Variants in CNTLN observed in about 807,000 individuals in gnomAD.
The protein encoded by CNTLN is centlein.
CNTLN carries 212 observed loss-of-function variants against 180.0 expected under a neutral mutation model. The ratio of observed to expected loss-of-function variants is 1.18; its 90% CI spans 1.05 to 1.32. CNTLN has a LOEUF of 1.32. CNTLN is among the 40% of genes most tolerant of loss of function. The pLI, the probability that CNTLN is intolerant of heterozygous loss-of-function variation, is 0.00. For synonymous variants in CNTLN, 722 were observed against 563.1 expected (o/e 1.28, Z -3.99); for missense variants, 2,095 against 1,610.9 (o/e 1.30, Z -5.14).
chr9:17,187,516 C>G (rs1369188198), intron 2 of CNTLN, among the ~76,000 whole-genome samples: 1 of 151,950 alleles, frequency 6.6e-6, no homozygotes, highest in Non-Finnish European at 1.5e-5. Context: ...AATCACTTCT[C>G]TAATAGTTCA....
At chr9:17,246,874 C>T (rs1235777078) in intron 5 of CNTLN, among the ~76,000 whole-genome samples, 1 of 135,402 alleles carries the variant, frequency 7.4e-6, no homozygotes, top group East Asian at 2.2e-4. Context: ...CCAGGTCTCT[C>T]CCTCAGAGGA....
At chr9:17,182,868 G>C (rs1334903321) in intron 2 of CNTLN, among the ~76,000 whole-genome samples, 1 of 152,226 alleles carries the variant, frequency 6.6e-6, no homozygotes. Flanking sequence ...GCTGTATTCA[G>C]TTGGGCATAA....
intron 12 of CNTLN, among the ~76,000 whole-genome samples, chr9:17,362,395 G>C (rs558914230): frequency 1.3e-5 from 2 of 152,122 alleles, no homozygotes; most frequent in East Asian, 1.9e-4. Flanking sequence ...AATGGACCTG[G>C]GAAGCTGCCA....
chr9:17,376,579 G>A (rs1419976055), intron 13 of CNTLN, among the ~76,000 whole-genome samples: 1 of 152,000 alleles, frequency 6.6e-6, no homozygotes, highest in Non-Finnish European at 1.5e-5. Flanking sequence ...AGCCTCCCAA[G>A]TAGCTGGGAC....
chr9:17,499,447 T>G (rs955168352), intron 25 of CNTLN, among the ~76,000 whole-genome samples: 4 of 152,220 alleles, frequency 2.6e-5, no homozygotes, highest in African/African-American at 9.6e-5. Context: ...CAGAATTGTT[T>G]TGTGTACAAT....
At chr9:17,386,221 A>G (rs1825672913) in intron 13 of CNTLN, among the ~76,000 whole-genome samples, 1 of 152,050 alleles carries the variant, frequency 6.6e-6, no homozygotes, top group Non-Finnish European at 1.5e-5. Context: ...AAAACTTTAT[A>G]TTAATTATTT....
chr9:17,323,881 TAC>T (rs1296738116), intron 8 of CNTLN, among the ~76,000 whole-genome samples: 1 of 152,196 alleles, frequency 6.6e-6, no homozygotes, highest in African/African-American at 2.4e-5. Flanking sequence ...CAAACTCGGC[TAC>T]AGTTTTGATA....
At chr9:17,177,977 GAC>G (rs533880549) in intron 2 of CNTLN, among the ~76,000 whole-genome samples, 42 of 152,190 alleles carry the variant, frequency 2.8e-4, no homozygotes, top group African/African-American at 8.7e-4. Context: ...CCCTGAGCTA[GAC>G]ACAAAAGTTC....
chr9:17,217,283 T>C (rs916443128), intron 2 of CNTLN, among the ~76,000 whole-genome samples: 1 of 152,206 alleles, frequency 6.6e-6, no homozygotes, highest in Non-Finnish European at 1.5e-5. Context: ...TCACCTTTAT[T>C]TGTTGAGAGT....
At chr9:17,216,067 A>T (rs1341952500) in intron 2 of CNTLN, among the ~76,000 whole-genome samples, 1 of 151,980 alleles carries the variant, frequency 6.6e-6, no homozygotes, top group Admixed American at 6.6e-5. Flanking sequence ...TCCTGCACCC[A>T]CTATCTGACA....
intron 25 of CNTLN, among the ~76,000 whole-genome samples, chr9:17,498,497 T>C (rs1564155121): frequency 6.6e-6 from 1 of 152,164 alleles, no homozygotes; most frequent in Non-Finnish European, 1.5e-5. Flanking sequence ...AAATCACTCT[T>C]TGCAGCAGGA....
chr9:17,197,568 A>G (rs982497833), intron 2 of CNTLN, among the ~76,000 whole-genome samples: 14 of 152,216 alleles, frequency 9.2e-5, no homozygotes, highest in African/African-American at 3.4e-4. Flanking sequence ...TCTTTTGTTC[A>G]TTTTAAAATT....
intron 1 of CNTLN, among the ~76,000 whole-genome samples, chr9:17,140,745 T>G (rs1054356787): frequency 6.6e-6 from 1 of 152,194 alleles, no homozygotes; most frequent in Non-Finnish European, 1.5e-5. Flanking sequence ...GCCCTAATGG[T>G]TATGTTAATT....
chr9:17,235,605 A>C, intron 3 of CNTLN, 53 bp from the exon 4 acceptor site: 1 of 1,374,972 alleles, frequency 7.3e-7, no homozygotes, highest in Non-Finnish European at 1.0e-6. Context: ...AAAATAAAAT[A>C]CTGTTTTTCT....
At chr9:17,235,424 T>C (rs1460720920) in intron 3 of CNTLN, among the ~76,000 whole-genome samples, 1 of 152,104 alleles carries the variant, frequency 6.6e-6, no homozygotes, top group Non-Finnish European at 1.5e-5. Context: ...TGAGTATGAT[T>C]TAATATTTAA....
At chr9:17,266,301 T>C (rs1827438362) in intron 5 of CNTLN, among the ~76,000 whole-genome samples, 1 of 152,196 alleles carries the variant, frequency 6.6e-6, no homozygotes, top group Non-Finnish European at 1.5e-5. Context: ...ATGTACCCAG[T>C]AGTCACTCAG....
At chr9:17,328,053 A>G (rs993589193) in intron 8 of CNTLN, among the ~76,000 whole-genome samples, 24 of 152,154 alleles carry the variant, frequency 1.6e-4, no homozygotes, top group African/African-American at 4.6e-4. Flanking sequence ...CAGTCCCTCT[A>G]CTTAGAAATC....
chr9:17,368,488 G>T (rs1824020705), intron 13 of CNTLN, among the ~76,000 whole-genome samples: 1 of 152,172 alleles, frequency 6.6e-6, no homozygotes, highest in Non-Finnish European at 1.5e-5. Flanking sequence ...GAGCCCTAGG[G>T]CCTTGAGCAA....
chr9:17,486,872 C>T (rs1056441751), intron 24 of CNTLN, 117 bp from the exon 25 acceptor site: 25 of 588,042 alleles, frequency 4.3e-5, no homozygotes, highest in Non-Finnish European at 6.3e-5. Flanking sequence ...AGATGACAGA[C>T]TGTTCTTTGT....
Sources: allele counts gnomAD v4.1 joint callset (sites outside exome capture counted in the v4.1 genomes callset), GRCh38; gene constraint gnomAD v4.1.1; transcripts MANE v1.5; gene names NCBI Gene and HGNC (gene_info 2026-07-23, HGNC 2026-07-21).